POGLUT2: variants seen among roughly 807,000 people sequenced by gnomAD.
The protein encoded by POGLUT2 is protein O-glucosyltransferase 2.
Under a neutral mutation model 57.6 loss-of-function variants are expected in POGLUT2, and 47 were observed. That is an observed-to-expected ratio of 0.82 (90% CI 0.65 to 1.04). The LOEUF (loss-of-function observed/expected upper bound fraction) is 1.04. Among genes scored for constraint, POGLUT2 ranks in the 50% least tolerant of loss-of-function variants. The pLI is 0.00. For synonymous variants in POGLUT2, 200 were observed against 218.8 expected (o/e 0.91, Z 0.76); for missense variants, 565 against 614.8 (o/e 0.92, Z 0.86).
chr13:102,792,547 G>A (rs1482546886), intron 4 of POGLUT2, among the ~76,000 whole-genome samples: 2 of 152,304 alleles, frequency 1.3e-5, no homozygotes, highest in Non-Finnish European at 2.9e-5. Context: ...TAGGGTTGTT[G>A]CAGATATTAG....
chr13:102,787,795 C>T (rs1449200313), intron 8 of POGLUT2, 39 bp downstream of exon 8: 1 of 1,137,808 alleles, frequency 8.8e-7, no homozygotes, highest in East Asian at 2.4e-5. Flanking sequence ...AACATGTCTA[C>T]TTATAAGTTA....
At chr13:102,787,795 C>A in intron 8 of POGLUT2, 39 bp downstream of exon 8, 1 of 1,137,926 alleles carries the variant, frequency 8.8e-7, no homozygotes, top group Non-Finnish European at 1.3e-6. Flanking sequence ...AACATGTCTA[C>A]TTATAAGTTA....
chr13:102,790,991 G>A lies in POGLUT2; in HGVS notation c.993C>T (p.Asp331=), dbSNP rs775447144. Residue 331 remains aspartate (D), a synonymous_variant, in exon 6 of 10, where the codon GAC becomes GAT. Transcript: ENST00000376004. ...AGAAGAAAAAGTTGGTGAAAGCAGC[G>A]TCTATGAGTTCTGGGTGTTTTCTAC... ...KLSRKHPELI[D]AAFTNFFFFK... 3.3e-5 allele frequency: 53 copies of A among 1,613,960 alleles called. No individual in the cohort carries two copies. The highest frequency in any genetic ancestry group is 2.1e-4 in the South Asian group (19 of 91,092).
At chr13:102,788,644 G>A (rs951997663) in intron 7 of POGLUT2, among the ~76,000 whole-genome samples, 33 of 152,014 alleles carry the variant, frequency 2.2e-4, no homozygotes, top group Admixed American at 2.2e-3. Context: ...CCATCACCAC[G>A]CCAGCTTATT....
rs1878557591 is a variant in POGLUT2, at chr13:102,798,790, A to G, written c.-120T>C. ...GATCGCAGCAGCCAACGCGACTGCAAAGGTTGCCGCCCGGCGTGCAGGGCA... is the reference window on the plus strand; with the variant it reads ...GATCGCAGCAGCCAACGCGACTGCAGAGGTTGCCGCCCGGCGTGCAGGGCA... On this transcript the variant is annotated 5_prime_UTR_variant, in exon 1 of 10. Transcript: ENST00000376004. 1 of 1,077,794 alleles carries G rather than the reference A, an allele frequency of 9.3e-7. No individual in the cohort carries two copies. 66.8% of individuals were successfully genotyped at this position (1,077,794 alleles called of 1,614,324 possible).
chr13:102,787,748 T>C (rs1878007241), intron 8 of POGLUT2, 86 bp downstream of exon 8: 4 of 641,918 alleles, frequency 6.2e-6, no homozygotes, highest in Non-Finnish European at 1.0e-5. Context: ...TAGTAACATA[T>C]GTTTAGAAAT....
chr13:102,788,663 T>C (rs1014964648), intron 7 of POGLUT2, among the ~76,000 whole-genome samples: 51 of 152,150 alleles, frequency 3.4e-4, no homozygotes, highest in African/African-American at 1.2e-3. Flanking sequence ...TTTTTGTATT[T>C]TTAGTAGAGA....
At chr13:102,788,740 C>T (rs539353997) in intron 7 of POGLUT2, among the ~76,000 whole-genome samples, 55 of 152,332 alleles carry the variant, frequency 3.6e-4, no homozygotes, top group African/African-American at 1.3e-3. Context: ...CCTGCCTCAG[C>T]CTTCCAAAGT....
Position 102,798,641 on chromosome 13 carries a change from G to T in POGLUT2, c.30C>A (p.Phe10Leu), listed in dbSNP as rs76001815. Reference sequence around the variant, plus strand: ...CGAGTGCTGGAACTGTCGCCAGAAAGAAGCAATAAAGTAGCAAAGTGCCAA... The same window carrying T: ...CGAGTGCTGGAACTGTCGCCAGAAATAAGCAATAAAGTAGCAAAGTGCCAA... The part of the protein sequence containing the change: MFGTLLLYC[F>L]FLATVPALAE... The change falls in exon 1 of 10, where the codon TTC becomes TTA. Residue 10 changes from phenylalanine to leucine, a missense_variant. Transcript: ENST00000376004. 1.3e-4 allele frequency: 205 copies of T among 1,607,324 alleles called. 1 individual carries two copies. The East Asian group carries it at 4.5e-3, about 35-fold the overall frequency.
intron 2 of POGLUT2, among the ~76,000 whole-genome samples, chr13:102,795,985 A>G (rs1413892860): frequency 3.3e-5 from 5 of 151,840 alleles, no homozygotes; most frequent in African/African-American, 1.2e-4. Flanking sequence ...ATAAAACTGT[A>G]CTCTCATCCT....
chr13:102,793,055 C>A lies in POGLUT2; in HGVS notation c.672+286G>T, dbSNP rs1878242632. The stretch of plus-strand genomic sequence containing the variant: ...CCTCCTAAAGTGCTAGGATTACAGG[C>A]GTGAGCCATGGCACCTAGCTGACAC... On this transcript the variant is annotated intron_variant, in intron 4 of 9. Transcript: ENST00000376004. The A allele has an allele frequency of 1.2e-5, 4 of 330,106 alleles. 1 individual carries two copies. The highest frequency in any genetic ancestry group is 4.5e-5 in the South Asian group (1 of 22,430). 20.4% of individuals were successfully genotyped at this position (330,106 alleles called of 1,614,324 possible).
intron 2 of POGLUT2, among the ~76,000 whole-genome samples, chr13:102,795,942 C>T (rs1474049740): frequency 4.6e-5 from 7 of 152,184 alleles, no homozygotes; most frequent in African/African-American, 1.2e-4. Flanking sequence ...GTGGTACTGT[C>T]GCCTGTAAGA....
In POGLUT2 at chr13:102,798,868, C is replaced by T; in HGVS notation, c.-198G>A. ...CAATCAAAGCCCGTGCCCCGGCGCG[C>T]CCAGGTGAGGGTCCCCTGGCGTTCT... On this transcript the variant is annotated 5_prime_UTR_variant, in exon 1 of 10. Transcript: ENST00000376004. 1 of 502,764 alleles carries T rather than the reference C, an allele frequency of 2.0e-6. No individual in the cohort carries two copies. The highest frequency in any genetic ancestry group is 3.4e-6 in the Non-Finnish European group (1 of 291,630). 31.1% of individuals were successfully genotyped at this position (502,764 alleles called of 1,614,324 possible). A position where few individuals can be genotyped will look rare whatever the true frequency, so the allele number is the denominator to read the frequency against.
chr13:102,787,942 C>T lies in POGLUT2; in HGVS notation c.1294-19G>A. 6.6e-7 allele frequency: 1 copy of T among 1,508,630 alleles called. No individual in the cohort carries two copies. The highest frequency in any genetic ancestry group is 1.2e-5 in the South Asian group (1 of 85,154). The allele number at this position is 1,508,630 out of a possible 1,614,324, so 93.5% of individuals were successfully genotyped here. ...TTTTGGCCTACAGGAAGAACAACGA[C>T]AAAATCCTGTAATAGAATCCATTTT... On this transcript the variant is annotated intron_variant, in intron 7 of 9. Transcript: ENST00000376004.
intron 2 of POGLUT2, among the ~76,000 whole-genome samples, chr13:102,796,443 T>C (rs1878392919): frequency 6.6e-6 from 1 of 151,416 alleles, no homozygotes. Context: ...GTGATCTACC[T>C]AATTTCAATA....
At chr13:102,789,727 C>T (rs908938388) in intron 6 of POGLUT2, among the ~76,000 whole-genome samples, 3 of 152,104 alleles carry the variant, frequency 2.0e-5, no homozygotes, top group South Asian at 2.1e-4. Context: ...CATCCCCAGT[C>T]GCTGGCATTA....
intron 6 of POGLUT2, 49 bp from the exon 7 acceptor site, chr13:102,789,270 T>A (rs774934938): frequency 4.1e-5 from 59 of 1,453,182 alleles, no homozygotes; most frequent in Non-Finnish European, 5.4e-5. Flanking sequence ...TCTCCTTTTC[T>A]CCACTCTATT....
Position 102,787,941 on chromosome 13 carries a change from A to C in POGLUT2, c.1294-18T>G. 1.3e-6 allele frequency: 2 copies of C among 1,515,686 alleles called. No homozygotes were observed. Among genetic ancestry groups the C allele is most frequent in the Non-Finnish European group, 9.1e-7 (1 of 1,099,636 alleles). 93.9% of individuals were successfully genotyped at this position (1,515,686 alleles called of 1,614,324 possible). A position where few individuals can be genotyped will look rare whatever the true frequency, so the allele number is the denominator to read the frequency against. On this transcript the variant is annotated intron_variant, in intron 7 of 9. Transcript: ENST00000376004. ...TTTTTGGCCTACAGGAAGAACAACG[A>C]CAAAATCCTGTAATAGAATCCATTT...
intron 8 of POGLUT2, 98 bp from the exon 9 acceptor site, chr13:102,786,437 CAT>C: frequency 2.5e-6 from 2 of 808,406 alleles, no homozygotes; most frequent in Non-Finnish European, 4.3e-6. Context: ...TCATTTAACT[CAT>C]GTGTGTCAAA....
Sources: gnomAD v4.1 joint callset for allele counts (sites outside exome capture counted in the v4.1 genomes callset) on GRCh38, gnomAD v4.1.1 for gene constraint, MANE v1.5 for transcripts, NCBI Gene and HGNC (gene_info 2026-07-23, HGNC 2026-07-21) for gene names.